ADGRL3: variants seen among roughly 807,000 people sequenced by gnomAD.
ADGRL3 encodes calcium-independent alpha-latrotoxin receptor 3.
Under a neutral mutation model 153.5 loss-of-function variants are expected in ADGRL3, and 62 were observed. The ratio of observed to expected loss-of-function variants is 0.40; its 90% CI spans 0.33 to 0.50. The LOEUF (loss-of-function observed/expected upper bound fraction) is 0.50. Ranked by LOEUF, ADGRL3 falls within the 20% of genes least tolerant of loss-of-function variation. The probability of loss-of-function intolerance (pLI) is 0.47; values close to 1 mark genes in which losing one functional copy is unlikely to be tolerated. For synonymous variants in ADGRL3, 710 were observed against 672.5 expected (o/e 1.06, Z -0.86); for missense variants, 1,641 against 1,859.4 (o/e 0.88, Z 2.16).
At chr4:61,923,675 C>T (rs2098780959) in intron 13 of ADGRL3, among the ~76,000 whole-genome samples, 1 of 152,150 alleles carries the variant, frequency 6.6e-6, no homozygotes, top group African/African-American at 2.4e-5. Context: ...GAAGTCAACA[C>T]CCACTTCGTA....
intron 9 of ADGRL3, among the ~76,000 whole-genome samples, chr4:61,881,598 G>A (rs1383485036): frequency 2.0e-5 from 3 of 152,144 alleles, no homozygotes; most frequent in Non-Finnish European, 2.9e-5. Flanking sequence ...GGCTGGTCTC[G>A]AACTCCTGAC....
intron 1 of ADGRL3, among the ~76,000 whole-genome samples, chr4:61,304,249 G>A (rs1266921968): frequency 1.3e-5 from 2 of 152,148 alleles, no homozygotes; most frequent in East Asian, 3.9e-4. Flanking sequence ...TCATTTTGTA[G>A]TGAAATGCAT....
chr4:61,687,336 T>C (rs1281564052), intron 6 of ADGRL3, among the ~76,000 whole-genome samples: 1 of 151,956 alleles, frequency 6.6e-6, no homozygotes, highest in Non-Finnish European at 1.5e-5. Flanking sequence ...GTAGTTCCAA[T>C]CTAATTACAA....
chr4:62,016,672 A>AT (rs1329009437), intron 21 of ADGRL3, among the ~76,000 whole-genome samples: 1 of 151,980 alleles, frequency 6.6e-6, no homozygotes, highest in Non-Finnish European at 1.5e-5. Context: ...CTACTCAGGA[A>AT]TTTTTTTTAT....
chr4:61,840,202 C>A (rs1398809728), intron 9 of ADGRL3, among the ~76,000 whole-genome samples: 3 of 152,148 alleles, frequency 2.0e-5, no homozygotes, highest in Non-Finnish European at 4.4e-5. Flanking sequence ...GCCTCTGCCT[C>A]CCATGTAGCT....
rs550874377 is a variant in ADGRL3, at chr4:61,233,860, A to T, written c.-240+32095A>T. On this transcript the variant is annotated intron_variant, in intron 1 of 26. Coordinates refer to ENST00000683033, the MANE Select transcript of ADGRL3 (RefSeq NM_001387552.1). ...TGTCTACTGGATGTATAAGGTTCTA[A>T]GGAAATCTTCAGTAATCTATGACTA... 1.5e-3 allele frequency among the ~76,000 whole-genome samples: 236 copies of T among 152,270 alleles called. 1 individual carries two copies. The highest frequency in any genetic ancestry group is 5.4e-3 in the African/African-American group (225 of 41,550).
intron 9 of ADGRL3, among the ~76,000 whole-genome samples, chr4:61,860,063 C>G (rs1211473753): frequency 6.6e-6 from 1 of 152,154 alleles, no homozygotes; most frequent in Non-Finnish European, 1.5e-5. Context: ...TCAATGTTTA[C>G]TGTTTTGAAA....
At chr4:61,814,684 ACATGTTTTCTGT>A (rs1326820660) in intron 9 of ADGRL3, among the ~76,000 whole-genome samples, 1 of 152,174 alleles carries the variant, frequency 6.6e-6, no homozygotes, top group African/African-American at 2.4e-5. Flanking sequence ...ACGTTTCTGA[ACATGTTTTCTGT>A]ATAGCCTATT....
intron 5 of ADGRL3, among the ~76,000 whole-genome samples, chr4:61,629,503 G>A (rs1420389583): frequency 1.3e-5 from 2 of 151,596 alleles, no homozygotes; most frequent in African/African-American, 4.8e-5. Flanking sequence ...CGGGTCACGA[G>A]GTCAGGAGTT....
At chr4:61,570,565 A>T (rs2098834463) in intron 4 of ADGRL3, among the ~76,000 whole-genome samples, 1 of 152,094 alleles carries the variant, frequency 6.6e-6, no homozygotes, top group East Asian at 1.9e-4. Flanking sequence ...CATCTCTGAA[A>T]CACCTCCCTA....
At chr4:61,805,007 G>T (rs927541535) in intron 8 of ADGRL3, among the ~76,000 whole-genome samples, 5 of 150,606 alleles carry the variant, frequency 3.3e-5, no homozygotes, top group Admixed American at 2.0e-4. Context: ...CCAGGCTGGA[G>T]TGCAGTGGGG....
At chr4:61,647,997 C>T (rs1426865844) in intron 5 of ADGRL3, among the ~76,000 whole-genome samples, 1 of 152,206 alleles carries the variant, frequency 6.6e-6, no homozygotes, top group South Asian at 2.1e-4. Flanking sequence ...TTACCTATAA[C>T]CACACACACA....
chr4:61,615,098 G>A (rs2091844596), intron 5 of ADGRL3, among the ~76,000 whole-genome samples: 1 of 152,068 alleles, frequency 6.6e-6, no homozygotes, highest in Admixed American at 6.6e-5. Flanking sequence ...TGAAAGAGAA[G>A]CTATTAATTT....
At chr4:61,291,609 CACAT>C (rs1239839801) in intron 1 of ADGRL3, among the ~76,000 whole-genome samples, 18 of 9,014 alleles carry the variant, frequency 2.0e-3, no homozygotes, top group African/African-American at 5.0e-3. Flanking sequence ...TATATACACA[CACAT>C]ATATATATAT....
chr4:61,833,403 T>C (rs1210495961), intron 9 of ADGRL3, among the ~76,000 whole-genome samples: 2 of 151,596 alleles, frequency 1.3e-5, no homozygotes, highest in Non-Finnish European at 1.5e-5. Flanking sequence ...GAGACTGGAG[T>C]TTTATTACTC....
chr4:61,760,379 C>T (rs905567544), intron 8 of ADGRL3, among the ~76,000 whole-genome samples: 11 of 152,160 alleles, frequency 7.2e-5, no homozygotes, highest in African/African-American at 1.9e-4. Context: ...CCCCCAGTCT[C>T]GCTGCTGCCT....
intron 6 of ADGRL3, among the ~76,000 whole-genome samples, chr4:61,694,149 T>C (rs1335906935): frequency 6.6e-6 from 1 of 151,110 alleles, no homozygotes; most frequent in Non-Finnish European, 1.5e-5. Flanking sequence ...GCTATTTTTC[T>C]GTCCTATACT....
At chr4:61,329,692 GA>G (rs1225171084) in intron 1 of ADGRL3, among the ~76,000 whole-genome samples, 4 of 151,266 alleles carry the variant, frequency 2.6e-5, no homozygotes, top group South Asian at 2.1e-4. Context: ...CATTTTATAA[GA>G]AAAAAAATAT....
At chr4:61,654,964 GAAAT>G (rs971131734) in intron 5 of ADGRL3, among the ~76,000 whole-genome samples, 24 of 152,254 alleles carry the variant, frequency 1.6e-4, no homozygotes, top group African/African-American at 5.8e-4. Context: ...TCTATAGAAA[GAAAT>G]GAGGATGAAA....
Sources: allele counts gnomAD v4.1 joint callset (sites outside exome capture counted in the v4.1 genomes callset), GRCh38; gene constraint gnomAD v4.1.1; transcripts MANE v1.5; gene names NCBI Gene and HGNC (gene_info 2026-07-23, HGNC 2026-07-21).